Variants in SYNPR observed in about 807,000 individuals in gnomAD.
The protein encoded by SYNPR is synaptoporin.
Under a neutral mutation model 32.9 loss-of-function variants are expected in SYNPR, and 23 were observed. The observed-to-expected ratio is 0.70, with a 90% confidence interval of 0.50 to 0.99. The LOEUF (loss-of-function observed/expected upper bound fraction) is 0.99. Ranked by LOEUF, SYNPR falls within the 50% of genes least tolerant of loss-of-function variation. The probability of loss-of-function intolerance (pLI) is 0.00; values close to 1 mark genes in which losing one functional copy is unlikely to be tolerated. For missense variants in SYNPR, 318 were observed against 349.3 expected, an observed-to-expected ratio of 0.91 and a Z score of 0.71; for synonymous variants, 146 against 135.9, an observed-to-expected ratio of 1.07 and a Z score of -0.52.
intron 2 of SYNPR, among the ~76,000 whole-genome samples, chr3:63,402,534 T>A (rs549305695): frequency 6.6e-6 from 1 of 152,298 alleles, no homozygotes; most frequent in African/African-American, 2.4e-5. Context: ...GATTGACCCC[T>A]CTGTATGACA....
chr3:63,542,936 C>A (rs184098444), intron 3 of SYNPR, among the ~76,000 whole-genome samples: 19 of 152,120 alleles, frequency 1.2e-4, no homozygotes, highest in African/African-American at 4.6e-4. Context: ...TCTAGATCAG[C>A]AGTTCTCAAA....
Position 63,290,740 on chromosome 3 carries a change from G to A in SYNPR, c.84+11998G>A, listed in dbSNP as rs939319536. On this transcript the variant is annotated intron_variant, in intron 2 of 5. Coordinates refer to ENST00000478300, the MANE Select transcript of SYNPR (RefSeq NM_001130003.2). ...TCCTAAGTCAGGCAGCTTCCATCAT[G>A]GATGATGGAGAAGTAAATAAACTTT... Among the ~76,000 whole-genome samples the A allele has an allele frequency of 2.4e-4, 37 of 152,160 alleles. 1 individual carries two copies. The highest frequency in any genetic ancestry group is 7.3e-5 in the Non-Finnish European group (5 of 68,030).
At chr3:63,408,199 AGGAAGGAAGGAAGGAAG>A (rs2088394804) in intron 2 of SYNPR, among the ~76,000 whole-genome samples, 1 of 54,180 alleles carries the variant, frequency 1.8e-5, no homozygotes, top group African/African-American at 1.1e-4. Flanking sequence ...AGAAAGAGGA[AGGAAGGAAGGAAGGAAG>A]GAAGGAAGGA....
chr3:63,249,894 T>C lies in SYNPR; in HGVS notation n.67-2605T>C, dbSNP rs902352960. Among the ~76,000 whole-genome samples the C allele has an allele frequency of 2.6e-5, 4 of 152,028 alleles. No homozygotes were observed. The East Asian group carries it at 5.8e-4, about 22-fold the overall frequency. ...GACACAGCAGAATGCAAATAACACA[T>C]AAATAGAGAATGTCTGGCTTTTGAG... On this transcript the variant is annotated intron_variant and non_coding_transcript_variant, in intron 1 of 4. Coordinates refer to the SYNPR transcript ENST00000478456.
intron 3 of SYNPR, among the ~76,000 whole-genome samples, chr3:63,529,567 C>T (rs1178967751): frequency 6.6e-6 from 1 of 152,106 alleles, no homozygotes; most frequent in Admixed American, 6.5e-5. Context: ...ACAGTTGAAC[C>T]TGAAAAGTTA....
chr3:63,249,877 A>G (rs1277832439), intron 1 of SYNPR, among the ~76,000 whole-genome samples: 3 of 152,076 alleles, frequency 2.0e-5, no homozygotes, highest in Non-Finnish European at 4.4e-5. Flanking sequence ...ATGACACAGC[A>G]GAATGCAAAT....
intron 5 of SYNPR, among the ~76,000 whole-genome samples, chr3:63,611,958 AC>A (rs1407783550): frequency 3.3e-5 from 5 of 152,194 alleles, no homozygotes; most frequent in Non-Finnish European, 7.3e-5. Flanking sequence ...TAGGAGGCAT[AC>A]CCATACCACA....
At chr3:63,206,711 A>T in the SYNPR span, among the ~76,000 whole-genome samples, 1 of 152,256 alleles carries the variant, frequency 6.6e-6, no homozygotes, top group Non-Finnish European at 1.5e-5. Flanking sequence ...CATGAAAAGT[A>T]TAATGGACAT....
intron 3 of SYNPR, among the ~76,000 whole-genome samples, chr3:63,537,978 A>G (rs1702238171): frequency 6.6e-6 from 1 of 152,154 alleles, no homozygotes; most frequent in Non-Finnish European, 1.5e-5. Flanking sequence ...GAGTTGAATC[A>G]TGAATCTATT....
intron 2 of SYNPR, among the ~76,000 whole-genome samples, chr3:63,325,098 C>T (rs1257171354): frequency 6.6e-6 from 1 of 152,066 alleles, no homozygotes; most frequent in African/African-American, 2.4e-5. Flanking sequence ...ATATCCTCTT[C>T]TCCCAACAGG....
intron 2 of SYNPR, among the ~76,000 whole-genome samples, chr3:63,293,893 T>C (rs1179307761): frequency 6.6e-6 from 1 of 152,126 alleles, no homozygotes; most frequent in Non-Finnish European, 1.5e-5. Context: ...TAATCATATC[T>C]GCAGTGTCCC....
chr3:63,467,079 C>T (rs924363169), intron 2 of SYNPR, among the ~76,000 whole-genome samples: 2 of 152,168 alleles, frequency 1.3e-5, no homozygotes, highest in African/African-American at 2.4e-5. Flanking sequence ...GGTGCAATCA[C>T]AGCTCACTGC....
At chr3:63,365,357 G>T (rs141252622) in intron 2 of SYNPR, among the ~76,000 whole-genome samples, 4 of 152,126 alleles carry the variant, frequency 2.6e-5, no homozygotes, top group Non-Finnish European at 5.9e-5. Context: ...CTGACTGGAC[G>T]TGGGGGTGGG....
At chr3:63,403,528 G>A (rs904106100) in intron 2 of SYNPR, among the ~76,000 whole-genome samples, 6 of 151,642 alleles carry the variant, frequency 4.0e-5, no homozygotes, top group Non-Finnish European at 8.8e-5. Flanking sequence ...CCACAAAGTG[G>A]GTACATTTAT....
chr3:63,327,602 G>C (rs2087181306), intron 2 of SYNPR, among the ~76,000 whole-genome samples: 1 of 152,092 alleles, frequency 6.6e-6, no homozygotes, highest in South Asian at 2.1e-4. Flanking sequence ...TTGACTTACA[G>C]TGATGAGAAT....
intron 2 of SYNPR, among the ~76,000 whole-genome samples, chr3:63,472,136 T>C (rs920637500): frequency 3.9e-5 from 6 of 152,196 alleles, no homozygotes; most frequent in African/African-American, 1.2e-4. Context: ...TCATCTGACT[T>C]TCTGAACATT....
chr3:63,560,738 A>G (rs554994435), intron 4 of SYNPR, among the ~76,000 whole-genome samples: 2 of 152,196 alleles, frequency 1.3e-5, no homozygotes, highest in African/African-American at 4.8e-5. Context: ...CAAGTGAGGA[A>G]CTACCAAACA....
intron 4 of SYNPR, among the ~76,000 whole-genome samples, chr3:63,564,059 C>T (rs1052268351): frequency 6.6e-6 from 1 of 151,544 alleles, no homozygotes; most frequent in African/African-American, 2.4e-5. Flanking sequence ...AAGTTCTACC[C>T]CAGGAACAGT....
At position 63,319,938 on chromosome 3, in the gene SYNPR, G is replaced by C. The variant is rs547486396; in HGVS notation, c.84+41196G>C. Among the ~76,000 whole-genome samples the C allele has an allele frequency of 2.4e-4, 36 of 152,000 alleles. 1 individual carries two copies. Among genetic ancestry groups the C allele is most frequent in the Admixed American group, 2.1e-3 (32 of 15,262 alleles). On this transcript the variant is annotated intron_variant, in intron 2 of 5. Transcript: ENST00000478300. ...AATGAGGCTATAGTGAACATATTTA[G>C]ATATGTATCTATTTTCTTATTCATT... is the stretch of plus-strand genomic sequence containing the variant.
Sources: gnomAD v4.1 joint callset for allele counts (sites outside exome capture counted in the v4.1 genomes callset) on GRCh38, gnomAD v4.1.1 for gene constraint, MANE v1.5 for transcripts, NCBI Gene and HGNC (gene_info 2026-07-23, HGNC 2026-07-21) for gene names.